The following CEP250 variants were observed in gnomAD, a reference collection of about 807,000 sequenced individuals.
CEP250 encodes centrosome-associated protein CEP250.
In CEP250, 242 loss-of-function variants were observed where a neutral mutation model predicts 315.7. The ratio of observed to expected loss-of-function variants is 0.77; its 90% CI spans 0.69 to 0.85. The LOEUF (loss-of-function observed/expected upper bound fraction) is 0.85. Among genes scored for constraint, CEP250 ranks in the 40% least tolerant of loss-of-function variants. The probability of loss-of-function intolerance (pLI) is 0.00; values close to 1 mark genes in which losing one functional copy is unlikely to be tolerated. For synonymous variants in CEP250, 1,088 were observed against 1,175.0 expected, an observed-to-expected ratio of 0.93 and a Z score of 1.51; for missense variants, 2,515 against 2,886.4, an observed-to-expected ratio of 0.87 and a Z score of 2.95.
chr20:35,503,621 T>TC lies in CEP250; in HGVS notation c.5253dup (p.Lys1752GlnfsTer17). 1 of 1,613,808 alleles carries TC rather than the reference T, an allele frequency of 6.2e-7. No individual in the cohort carries two copies. The highest frequency in any genetic ancestry group is 2.2e-5 in the East Asian group (1 of 44,862). On this transcript the variant is annotated frameshift_variant, in exon 30 of 35. Coordinates refer to ENST00000397527, the MANE Select transcript of CEP250 (RefSeq NM_007186.6). LOFTEE classifies it high-confidence loss of function. The surrounding 1 kb of genome is among the most constrained non-coding windows in gnomAD (Gnocchi z 4.2). The stretch of plus-strand genomic sequence containing the variant: ...GAGCATATCCATGAACTCCAGGAGC[T>TC]CAAAGACCAGCTGGAGCAGCAGCTC...
chr20:35,507,796 C>T lies in CEP250; in HGVS notation c.6695C>T (p.Ala2232Val). The change falls in exon 31 of 35, where the codon GCA (alanine) becomes GTA (valine). Residue 2232 changes from alanine to valine, a missense_variant. Coordinates refer to ENST00000397527, the MANE Select transcript of CEP250 (RefSeq NM_007186.6). ...AAGGAGCGGCTACACAGCCCAGGTGCAACCAGCACAGCAGAACTGGGGTCC... is the reference window on the plus strand; with the variant it reads ...AAGGAGCGGCTACACAGCCCAGGTGTAACCAGCACAGCAGAACTGGGGTCC... Reference protein sequence around the residue: ...LEKERLHSPGATSTAELGSRG... With the variant: ...LEKERLHSPGVTSTAELGSRG... The T allele has an allele frequency of 6.4e-7, 1 of 1,571,034 alleles. No individual in the cohort carries two copies. The highest frequency in any genetic ancestry group is 8.6e-7 in the Non-Finnish European group (1 of 1,158,174).
chr20:35,472,902 C>A, intron 12 of CEP250, 71 bp downstream of exon 12: 1 of 1,487,790 alleles, frequency 6.7e-7, no homozygotes. Flanking sequence ...TCAGGTACCT[C>A]CCTAGCCTGG....
At chr20:35,470,217 C>T in intron 10 of CEP250, 1 of 583,220 alleles carries the variant, frequency 1.7e-6, no homozygotes, top group South Asian at 2.2e-5. Context: ...ATTGCAATGG[C>T]ATATGTATGC....
At chr20:35,509,138 C>A in intron 33 of CEP250, 94 bp downstream of exon 33, 1 of 980,332 alleles carries the variant, frequency 1.0e-6, no homozygotes. Context: ...GCCAACAGCA[C>A]TTCAGCTAGT....
At position 35,471,969 on chromosome 20, in the gene CEP250, A is replaced by T. The variant is rs558768192; in HGVS notation, c.949-81A>T. 6 of 823,636 alleles carry T rather than the reference A, an allele frequency of 7.3e-6. No homozygotes were observed. The East Asian group carries it at 1.5e-4, about 20-fold the overall frequency. 51.0% of individuals were successfully genotyped at this position (823,636 alleles called of 1,614,324 possible). A position where few individuals can be genotyped will look rare whatever the true frequency, so the allele number is the denominator to read the frequency against. Reference sequence around the variant, plus strand: ...GGGCTGATAGAATAGACAGAATGAGACTTTGGTTGTTTGGGGTCCTGGAAT... The same window carrying T: ...GGGCTGATAGAATAGACAGAATGAGTCTTTGGTTGTTTGGGGTCCTGGAAT... On this transcript the variant is annotated intron_variant, in intron 10 of 34. Coordinates refer to ENST00000397527, the MANE Select transcript of CEP250 (RefSeq NM_007186.6).
chr20:35,455,764 G>C lies in CEP250; in HGVS notation c.-298+13G>C, dbSNP rs2062605487. On this transcript the variant is annotated intron_variant, in intron 1 of 34. Coordinates refer to ENST00000397527, the MANE Select transcript of CEP250 (RefSeq NM_007186.6). ...CCTCGTTGACACCGTAAGCTCGTTC[G>C]TTAGATGTTATGCCTTGCCTTTTTC... 6.6e-6 allele frequency: 1 copy of C among 152,256 alleles called. No individual in the cohort carries two copies. The highest frequency in any genetic ancestry group is 2.1e-4 in the South Asian group (1 of 4,830). 9.4% of individuals were successfully genotyped at this position (152,256 alleles called of 1,614,324 possible).
At position 35,503,316 on chromosome 20, in the gene CEP250, G is replaced by T; in HGVS notation, c.4947G>T (p.Leu1649=). 1 of 1,614,172 alleles carries T rather than the reference G, an allele frequency of 6.2e-7. No individual in the cohort carries two copies. Among genetic ancestry groups the T allele is most frequent in the South Asian group, 1.1e-5 (1 of 91,054 alleles). The change falls in exon 30 of 35, where the codon CTG becomes CTT. Residue 1649 remains leucine (L), a synonymous_variant. Coordinates refer to ENST00000397527, the MANE Select transcript of CEP250 (RefSeq NM_007186.6). This position sits in a 1 kb window ranked among gnomAD's most constrained non-coding sequence, Gnocchi z 4.2. ...IEELQRQKEH[L]TQDLERRDQE... ...AGCTGCAGAGGCAGAAAGAGCATCTGACTCAGGATCTCGAGAGGAGAGACC... is the reference window on the plus strand; with the variant it reads ...AGCTGCAGAGGCAGAAAGAGCATCTTACTCAGGATCTCGAGAGGAGAGACC...
chr20:35,479,929 A>G (rs2063296426), intron 19 of CEP250, 47 bp from the exon 20 acceptor site: 2 of 1,601,036 alleles, frequency 1.2e-6, no homozygotes, highest in South Asian at 1.1e-5. Flanking sequence ...GAATTTTATT[A>G]GGTAAAAGGA....
intron 12 of CEP250, among the ~76,000 whole-genome samples, chr20:35,473,123 CTG>C (rs2063066136): frequency 6.6e-6 from 1 of 152,150 alleles, no homozygotes; most frequent in South Asian, 2.1e-4. Context: ...TTCTCCAACT[CTG>C]AGAGTCTTAG....
intron 30 of CEP250, among the ~76,000 whole-genome samples, chr20:35,506,327 G>T (rs189845632): frequency 2.0e-5 from 3 of 152,314 alleles, no homozygotes; most frequent in Admixed American, 1.3e-4. Flanking sequence ...TGGGTTTCTT[G>T]TAGGCAGAAT....
intron 13 of CEP250, 42 bp from the exon 14 acceptor site, chr20:35,473,828 A>G: frequency 6.5e-7 from 1 of 1,531,436 alleles, no homozygotes; most frequent in Non-Finnish European, 8.8e-7. Flanking sequence ...AAAGAATTTT[A>G]GGTCCTATGG....
Position 35,478,063 on chromosome 20 carries a change from C to A in CEP250, c.2056C>A (p.Gln686Lys). Residue 686 changes from glutamine to lysine, a missense_variant, in exon 17 of 35, where the codon CAA becomes AAA. Gln to Lys is a moderately conservative substitution (Grantham distance 53). Transcript: ENST00000397527. The part of the protein sequence containing the change: ...AELQADLRDI[Q>K]EEKEEIQKKL... The stretch of plus-strand genomic sequence containing the variant: ...GCTGCAGGCAGATCTCAGGGACATC[C>A]AAGAAGAGAAGGAAGAAATTCAAAA... 1 of 1,613,902 alleles carries A rather than the reference C, an allele frequency of 6.2e-7. No homozygotes were observed. Among genetic ancestry groups the A allele is most frequent in the Non-Finnish European group, 8.5e-7 (1 of 1,179,990 alleles).
intron 4 of CEP250, 27 bp downstream of exon 4, chr20:35,462,580 G>A (rs780614709): frequency 6.4e-6 from 10 of 1,559,916 alleles, no homozygotes; most frequent in Non-Finnish European, 8.7e-6. Context: ...TTTGGGGAGG[G>A]GAAAGAGAAC....
chr20:35,465,805 A>T lies in CEP250; in HGVS notation c.306A>T (p.Arg102=), dbSNP rs371654367. The T allele has an allele frequency of 1.2e-6, 2 of 1,609,640 alleles. No individual in the cohort carries two copies. Among genetic ancestry groups the T allele is most frequent in the Admixed American group, 3.4e-5 (2 of 59,254 alleles). Residue 102 remains arginine, a synonymous_variant, in exon 6 of 35, where the codon CGA becomes CGT. Coordinates refer to ENST00000397527, the MANE Select transcript of CEP250 (RefSeq NM_007186.6). ...EEPNLDELLV[R]LEEEQQRCES... ...CAAACCTGGATGAGCTGCTGGTCCG[A>T]TTGGAGGAGGAGCAACAGAGGTGAT... is the stretch of plus-strand genomic sequence containing the variant.
chr20:35,498,089 T>C, intron 26 of CEP250, 22 bp downstream of exon 26: 3 of 1,510,902 alleles, frequency 2.0e-6, no homozygotes, highest in Admixed American at 2.2e-5. Flanking sequence ...TCCCCAGAAC[T>C]AGGTCCTTTG....
At chr20:35,483,650 T>G (rs1445122335) in intron 20 of CEP250, among the ~76,000 whole-genome samples, 1 of 151,894 alleles carries the variant, frequency 6.6e-6, no homozygotes, top group East Asian at 1.9e-4. Flanking sequence ...GGACTACAGG[T>G]GCACGCCACC....
chr20:35,463,200 T>C (rs2062796405), intron 4 of CEP250, among the ~76,000 whole-genome samples: 1 of 152,156 alleles, frequency 6.6e-6, no homozygotes, highest in Non-Finnish European at 1.5e-5. Flanking sequence ...GTCAGGAGTT[T>C]GAGACCAGCC....
At position 35,511,923 on chromosome 20, in the gene CEP250, C is replaced by G. The variant is rs923358876; in HGVS notation, c.*297C>G. ...TAGAATTTATTTTCCTAGCACTTCA[C>G]CACCTCCTTCATCTTCTCCTTCAAC... On this transcript the variant is annotated 3_prime_UTR_variant, in exon 35 of 35. Coordinates refer to ENST00000397527, the MANE Select transcript of CEP250 (RefSeq NM_007186.6). 4 of 1,184,160 alleles carry G rather than the reference C, an allele frequency of 3.4e-6. No individual in the cohort carries two copies. The highest frequency in any genetic ancestry group is 3.5e-5 in the South Asian group (1 of 28,810). The allele number at this position is 1,184,160 out of a possible 1,614,324, so 73.4% of individuals were successfully genotyped here. A position where few individuals can be genotyped will look rare whatever the true frequency, so the allele number is the denominator to read the frequency against.
At position 35,472,061 on chromosome 20, in the gene CEP250, C is replaced by T. The variant is rs2063037132; in HGVS notation, c.960C>T (p.His320=). The change falls in exon 11 of 35, where the codon CAC becomes CAT. Residue 320 remains histidine (H), a synonymous_variant. Transcript: ENST00000397527. ...RETVEILETN[H]TELMEHEASL... ...TATTCCCTGTTCAGGAGACAAATCA[C>T]ACAGAATTAATGGAACATGAAGCAT... The T allele has an allele frequency of 6.2e-7, 1 of 1,606,500 alleles. No homozygotes were observed. Among genetic ancestry groups the T allele is most frequent in the East Asian group, 2.2e-5 (1 of 44,828 alleles).
Sources: allele counts gnomAD v4.1 joint callset (sites outside exome capture counted in the v4.1 genomes callset), GRCh38; gene constraint gnomAD v4.1.1; non-coding constraint Gnocchi (gnomAD v3.1); transcripts MANE v1.5; gene names NCBI Gene and HGNC (gene_info 2026-07-23, HGNC 2026-07-21).